The following NTM variants were observed in gnomAD, a reference collection of about 807,000 sequenced individuals.
NTM encodes the protein neurotrimin, also known as IgLON family member 2.
In NTM, 13 loss-of-function variants were observed where a neutral mutation model predicts 42.1. The observed-to-expected ratio is 0.31, with a 90% CI of 0.20 to 0.49. NTM has a LOEUF of 0.49. NTM is among the 20% of genes least tolerant of loss of function. The probability of loss-of-function intolerance (pLI) is 0.99; values close to 1 mark genes in which losing one functional copy is unlikely to be tolerated. For synonymous variants in NTM, 187 were observed against 179.2 expected (o/e 1.04, Z -0.35); for missense variants, 373 against 452.8 (o/e 0.82, Z 1.60).
intron 1 of NTM, among the ~76,000 whole-genome samples, chr11:131,570,502 C>A (rs539481270): frequency 2.0e-5 from 3 of 152,162 alleles, no homozygotes; most frequent in African/African-American, 4.8e-5. Context: ...AGTGTTTACC[C>A]GTAGGAAACA....
chr11:131,531,867 C>T (rs771366587), intron 1 of NTM, among the ~76,000 whole-genome samples: 8 of 152,252 alleles, frequency 5.3e-5, no homozygotes, highest in South Asian at 2.1e-4. Flanking sequence ...AGATAGGGAA[C>T]GGCATTTCAG....
chr11:132,228,829 T>C (rs2086856200), intron 4 of NTM, among the ~76,000 whole-genome samples: 1 of 152,124 alleles, frequency 6.6e-6, no homozygotes, highest in Non-Finnish European at 1.5e-5. Flanking sequence ...GGTGTTGTCA[T>C]GGCAATGACA....
At chr11:131,785,770 T>C (rs2089058772) in intron 1 of NTM, among the ~76,000 whole-genome samples, 1 of 152,198 alleles carries the variant, frequency 6.6e-6, no homozygotes, top group South Asian at 2.1e-4. Context: ...TCTGATAACC[T>C]AACAATACAA....
intron 1 of NTM, among the ~76,000 whole-genome samples, chr11:131,703,898 G>A (rs1048113172): frequency 6.6e-5 from 10 of 152,028 alleles, no homozygotes; most frequent in Admixed American, 2.0e-4. Context: ...GGCCTGCCTC[G>A]ATGGCCCCGG....
chr11:132,032,562 C>T (rs1275482704), intron 2 of NTM, among the ~76,000 whole-genome samples: 1 of 152,162 alleles, frequency 6.6e-6, no homozygotes, highest in Non-Finnish European at 1.5e-5. Flanking sequence ...AGGTAAGAGC[C>T]ATCGCTCTTC....
At chr11:132,159,273 G>A (rs1049146113) in intron 3 of NTM, among the ~76,000 whole-genome samples, 2 of 152,176 alleles carry the variant, frequency 1.3e-5, no homozygotes, top group Non-Finnish European at 1.5e-5. Context: ...AAGGGGTCCC[G>A]TGGCCACATG....
At chr11:131,985,963 C>T (rs987703653) in intron 2 of NTM, among the ~76,000 whole-genome samples, 4 of 152,116 alleles carry the variant, frequency 2.6e-5, no homozygotes, top group African/African-American at 9.7e-5. Flanking sequence ...TAGGCAGCCC[C>T]GAAGTACCCA....
At chr11:131,895,087 T>C (rs2052041861) in intron 1 of NTM, among the ~76,000 whole-genome samples, 1 of 152,136 alleles carries the variant, frequency 6.6e-6, no homozygotes, top group African/African-American at 2.4e-5. Context: ...GAACATATCT[T>C]AAAAAGAGAA....
intron 2 of NTM, among the ~76,000 whole-genome samples, chr11:132,066,908 T>C (rs1392435342): frequency 6.6e-6 from 1 of 152,024 alleles, no homozygotes; most frequent in East Asian, 1.9e-4. Flanking sequence ...CCATATAAGC[T>C]CATGTCCACA....
At chr11:132,022,619 T>C (rs2074522069) in intron 2 of NTM, among the ~76,000 whole-genome samples, 1 of 152,206 alleles carries the variant, frequency 6.6e-6, no homozygotes, top group African/African-American at 2.4e-5. Context: ...TTCATGTTTG[T>C]TGAATATAAT....
rs149817163 is a variant in NTM, at chr11:131,615,985, CT to C, written c.82+245098del. On this transcript the variant is annotated intron_variant, in intron 1 of 8. Coordinates refer to ENST00000683400, the MANE Select transcript of NTM (RefSeq NM_001352005.2). ...ATGTAAGAAGCAAGGCTAAGCGTGGCTGGGTGAGTATATTCAGCATGTTAGC... is the reference window on the plus strand; with the variant it reads ...ATGTAAGAAGCAAGGCTAAGCGTGGCGGGTGAGTATATTCAGCATGTTAGC... 5.3e-5 allele frequency among the ~76,000 whole-genome samples: 8 copies of C among 152,356 alleles called. No homozygotes were observed. The East Asian group carries it at 5.8e-4, about 11-fold the overall frequency.
At chr11:131,879,947 A>C (rs2049202333) in intron 1 of NTM, among the ~76,000 whole-genome samples, 1 of 152,220 alleles carries the variant, frequency 6.6e-6, no homozygotes, top group Non-Finnish European at 1.5e-5. Flanking sequence ...TAGTGTTTGC[A>C]ATTGTTGGTT....
chr11:132,057,162 GCTAT>G (rs1225352386), intron 2 of NTM, among the ~76,000 whole-genome samples: 3 of 152,148 alleles, frequency 2.0e-5, no homozygotes, highest in Non-Finnish European at 4.4e-5. Context: ...TCATACTTGA[GCTAT>G]CTGATTGTGT....
Position 131,787,354 on chromosome 11 carries a change from GATTATT to G in NTM, c.83-124188_83-124183del, listed in dbSNP as rs149079341. On this transcript the variant is annotated intron_variant, in intron 1 of 8. Transcript: ENST00000683400. ...AGATTTTAATATTAACATAATACAA[GATTATT>G]ATTATTATTATTATTATTATTTTAT... Among the ~76,000 whole-genome samples, 24 of 144,432 alleles carry G rather than the reference GATTATT, an allele frequency of 1.7e-4. 1 individual carries two copies. In the East Asian group the frequency reaches 2.4e-3, roughly 15 times the overall value. The allele number at this position is 144,432 out of a possible 152,430, so 94.8% of individuals were successfully genotyped here.
intron 1 of NTM, among the ~76,000 whole-genome samples, chr11:131,852,887 C>A (rs2045716665): frequency 6.7e-6 from 1 of 149,948 alleles, no homozygotes; most frequent in African/African-American, 2.5e-5. Flanking sequence ...TCCGTCCATC[C>A]ATCCATCCAC....
chr11:131,712,493 A>G (rs1463785390), intron 1 of NTM, among the ~76,000 whole-genome samples: 1 of 152,164 alleles, frequency 6.6e-6, no homozygotes, highest in Non-Finnish European at 1.5e-5. Context: ...ATGAAATGTG[A>G]GCAGTTACCC....
intron 1 of NTM, among the ~76,000 whole-genome samples, chr11:131,642,496 C>T (rs1373554548): frequency 5.9e-5 from 9 of 152,146 alleles, no homozygotes. Context: ...GTTAAACACC[C>T]ATCTGCTCAC....
rs1376899113 is a variant in NTM at position 131,689,076 on chromosome 11, T to TACCAA, written c.83-222488_83-222487insACCAA. ...GAGCTACCAATAAATTGGATGTTTG[T>TACCAA]TAAGGAAAATCCCCGCAGCCCCCGA... On this transcript the variant is annotated intron_variant, in intron 1 of 8. Transcript: ENST00000683400. 3.1e-3 allele frequency among the ~76,000 whole-genome samples: 475 copies of TACCAA among 152,344 alleles called. 2 individuals carry two copies. Among genetic ancestry groups the TACCAA allele is most frequent in the African/African-American group, 0.011 (456 of 41,572 alleles).
chr11:131,557,615 G>A (rs549335479), intron 1 of NTM, among the ~76,000 whole-genome samples: 9 of 152,130 alleles, frequency 5.9e-5, no homozygotes, highest in Non-Finnish European at 1.3e-4. Flanking sequence ...TGACTATGCT[G>A]TATCAACTCT....
Sources: allele counts gnomAD v4.1 joint callset (sites outside exome capture counted in the v4.1 genomes callset), GRCh38; gene constraint gnomAD v4.1.1; transcripts MANE v1.5; gene names NCBI Gene and HGNC (gene_info 2026-07-23, HGNC 2026-07-21).